PDE2A: variants seen among roughly 807,000 people sequenced by gnomAD.
PDE2A encodes cGMP-dependent 3',5'-cyclic phosphodiesterase.
In PDE2A, 53 loss-of-function variants were observed where a neutral mutation model predicts 133.6. The ratio of observed to expected loss-of-function variants is 0.40; its 90% CI spans 0.32 to 0.50. The LOEUF is 0.50. PDE2A is among the 20% of genes least tolerant of loss of function. The pLI, the probability that PDE2A is intolerant of heterozygous loss-of-function variation, is 0.73. For missense variants in PDE2A, 796 were observed against 1,232.4 expected (o/e 0.65, Z 5.30); for synonymous variants, 491 against 490.2 (o/e 1.00, Z -0.02).
At chr11:72,670,899 C>T (rs988807002) in intron 1 of PDE2A, among the ~76,000 whole-genome samples, 1 of 143,978 alleles carries the variant, frequency 6.9e-6, no homozygotes, top group Non-Finnish European at 1.6e-5. Context: ...GGTATACAAA[C>T]AGCAGGCTGG....
intron 1 of PDE2A, 189 bp from the exon 2 acceptor site, chr11:72,642,515 C>CCG: frequency 1.9e-6 from 1 of 514,610 alleles, no homozygotes; most frequent in Non-Finnish European, 2.5e-6. Flanking sequence ...CCCGCCCCGG[C>CCG]CCCGCCTATG....
intron 1 of PDE2A, chr11:72,658,102 T>C (rs1256594964): frequency 4.4e-6 from 2 of 456,172 alleles, no homozygotes; most frequent in African/African-American, 2.0e-5. Context: ...TACTCCATTT[T>C]ACGGATGCCG....
intron 1 of PDE2A, among the ~76,000 whole-genome samples, chr11:72,655,500 TGTGC>T (rs1328768118): frequency 6.6e-6 from 1 of 151,910 alleles, no homozygotes; most frequent in Non-Finnish European, 1.5e-5. Context: ...TGTGTGTGTG[TGTGC>T]ACGCACGTGT....
intron 1 of PDE2A, among the ~76,000 whole-genome samples, chr11:72,659,052 GT>G (rs1854978073): frequency 6.6e-6 from 1 of 151,968 alleles, no homozygotes; most frequent in African/African-American, 2.4e-5. Context: ...ATGCATGCAG[GT>G]GGATGTTATT....
intron 2 of PDE2A, among the ~76,000 whole-genome samples, chr11:72,635,017 C>T (rs147979539): frequency 2.1e-3 from 314 of 152,362 alleles, no homozygotes; most frequent in African/African-American, 7.0e-3. Context: ...GAGCAGACCT[C>T]TCCTTCCTCC....
intron 2 of PDE2A, among the ~76,000 whole-genome samples, chr11:72,640,517 A>G (rs1435379490): frequency 2.6e-5 from 4 of 152,098 alleles, no homozygotes; most frequent in Non-Finnish European, 5.9e-5. Flanking sequence ...GGGAGCAGCC[A>G]CCACACAGAC....
rs115234402 is a variant in PDE2A at position 72,593,304 on chromosome 11, C to T, written c.490-1948G>A. The stretch of plus-strand genomic sequence containing the variant: ...TGTACACAGGAAATAGTTCACTTAC[C>T]CAAAAGCCATGCACATGCACCTGGC... On this transcript the variant is annotated intron_variant, in intron 6 of 30. Coordinates refer to ENST00000334456, the MANE Select transcript of PDE2A (RefSeq NM_002599.5). Among the ~76,000 whole-genome samples the T allele has an allele frequency of 5.2e-3, 797 of 152,114 alleles. 4 individuals carry two copies. Among genetic ancestry groups the T allele is most frequent in the African/African-American group, 0.018 (745 of 41,468 alleles).
At chr11:72,659,054 G>T (rs1854978166) in intron 1 of PDE2A, among the ~76,000 whole-genome samples, 1 of 151,926 alleles carries the variant, frequency 6.6e-6, no homozygotes, top group Admixed American at 6.6e-5. Flanking sequence ...GCATGCAGGT[G>T]GATGTTATTG....
rs1466535329 is a variant in PDE2A at position 72,579,360 on chromosome 11, C to T, written c.2280G>A (p.Leu760=). ...SRKDYQRMLD[L]MRDIILATDL... is the part of the protein sequence containing the mutation. ...CTGTGGCCAAGATGATGTCCCGCAT[C>T]AGATCCAGCATGCGCTGATAGTCCT... is the stretch of plus-strand genomic sequence containing the variant. The change falls in exon 27 of 31, where the codon CTG becomes CTA. Residue 760 remains leucine, a synonymous_variant. Transcript: ENST00000334456. 11 of 1,613,848 alleles carry T rather than the reference C, an allele frequency of 6.8e-6. No individual in the cohort carries two copies. The highest frequency in any genetic ancestry group is 9.3e-6 in the Non-Finnish European group (11 of 1,179,930).
At chr11:72,616,378 G>T (rs76211727) in intron 2 of PDE2A, among the ~76,000 whole-genome samples, 1 of 152,108 alleles carries the variant, frequency 6.6e-6, no homozygotes, top group Non-Finnish European at 1.5e-5. Flanking sequence ...ACCCTTTCCC[G>T]TCTGGCTCCC....
At chr11:72,584,407 G>T in intron 18 of PDE2A, 94 bp from the exon 19 acceptor site, 1 of 1,248,514 alleles carries the variant, frequency 8.0e-7, no homozygotes, top group South Asian at 1.3e-5. Flanking sequence ...AGTTTCCGCA[G>T]GTTACGTACG....
At chr11:72,584,394 C>T (rs757128134) in intron 18 of PDE2A, 81 bp from the exon 19 acceptor site, 2 of 1,223,986 alleles carry the variant, frequency 1.6e-6, no homozygotes, top group East Asian at 2.5e-5. Context: ...GACCTGCCCT[C>T]GCAGTTTCCG....
intron 3 of PDE2A, among the ~76,000 whole-genome samples, chr11:72,606,367 G>A (rs942619358): frequency 6.6e-6 from 1 of 152,162 alleles, no homozygotes; most frequent in Admixed American, 6.5e-5. Flanking sequence ...CCCTCAGTAA[G>A]TGTGGAATCC....
intron 2 of PDE2A, chr11:72,636,031 A>G (rs1310568129): frequency 7.9e-7 from 1 of 1,272,420 alleles, no homozygotes; most frequent in East Asian, 5.6e-5. Flanking sequence ...GGCAGCCCCC[A>G]GTAGAGGCAA....
chr11:72,631,665 C>T (rs1256340334), intron 2 of PDE2A, among the ~76,000 whole-genome samples: 3 of 151,350 alleles, frequency 2.0e-5, no homozygotes, highest in Non-Finnish European at 3.0e-5. Context: ...GCCCAGTCAT[C>T]TGGACTGGGA....
intron 18 of PDE2A, 47 bp downstream of exon 18, chr11:72,584,504 C>T (rs1855873499): frequency 6.5e-7 from 1 of 1,542,652 alleles, no homozygotes; most frequent in South Asian, 1.2e-5. Context: ...TCGGACCCGC[C>T]CCGCCCGGCG....
intron 2 of PDE2A, among the ~76,000 whole-genome samples, chr11:72,614,545 C>T (rs575951101): frequency 6.6e-6 from 1 of 152,178 alleles, no homozygotes; most frequent in Non-Finnish European, 1.5e-5. Flanking sequence ...TGTTAAAGTG[C>T]AGATTGCTGG....
In PDE2A at chr11:72,576,536, A is replaced by G. The variant is rs1441659443; in HGVS notation, c.*848T>C. ...GCTCTCTGTGCCTTAGGGTTGCAGA[A>G]ACATTCCATAGCCTCTGCTGGGACT... On this transcript the variant is annotated 3_prime_UTR_variant, in exon 31 of 31. Coordinates refer to ENST00000334456, the MANE Select transcript of PDE2A (RefSeq NM_002599.5). The G allele has an allele frequency of 5.9e-6, 1 of 168,468 alleles. No homozygotes were observed. Among genetic ancestry groups the G allele is most frequent in the Non-Finnish European group, 1.5e-5 (1 of 68,364 alleles). The allele number at this position is 168,468 out of a possible 1,614,324, so 10.4% of individuals were successfully genotyped here.
intron 3 of PDE2A, among the ~76,000 whole-genome samples, chr11:72,605,819 G>A (rs1422199559): frequency 1.3e-5 from 2 of 151,980 alleles, no homozygotes; most frequent in Non-Finnish European, 2.9e-5. Flanking sequence ...CACATTCAGG[G>A]AGTGGGCAGG....
Sources: allele counts gnomAD v4.1 joint callset (sites outside exome capture counted in the v4.1 genomes callset), GRCh38; gene constraint gnomAD v4.1.1; transcripts MANE v1.5; gene names NCBI Gene and HGNC (gene_info 2026-07-23, HGNC 2026-07-21).